Variants in ACHE observed in about 807,000 individuals in gnomAD.
ACHE encodes acetylcholinesterase (Yt blood group), also known as acetylcholinesterase.
Under a neutral mutation model 53.9 loss-of-function variants are expected in ACHE, and 19 were observed. That is an observed-to-expected ratio of 0.35 (90% CI 0.25 to 0.52). The LOEUF (loss-of-function observed/expected upper bound fraction) is 0.52. Among genes scored for constraint, ACHE ranks in the 20% least tolerant of loss-of-function variants. ACHE has a pLI of 0.95. For synonymous variants in ACHE, 392 were observed against 378.1 expected, an observed-to-expected ratio of 1.04 and a Z score of -0.43; for missense variants, 605 against 849.4, an observed-to-expected ratio of 0.71 and a Z score of 3.58.
chr7:100,890,479 A>G, intron 4 of ACHE, 144 bp from the exon 5 acceptor site: 2 of 1,464,582 alleles, frequency 1.4e-6, no homozygotes, highest in Non-Finnish European at 1.8e-6. Flanking sequence ...GACGGTGGCA[A>G]GAGGATCAGG....
In ACHE at chr7:100,891,337, C is replaced by G. The variant is rs1460698148; in HGVS notation, c.1555G>C (p.Asp519His). The change falls in exon 4 of 5, where the codon GAT (aspartate) becomes CAT (histidine). Residue 519 changes from aspartate (D) to histidine (H), a missense_variant and splice_region_variant. Asp to His is a moderately conservative substitution (Grantham distance 81, BLOSUM62 -1). Transcript: ENST00000241069. ...RYWANFARTGDPNEPRDPKAP... is the reference protein window; with the variant it reads ...RYWANFARTGHPNEPRDPKAP... ...TTGGGGTCTCGGGGCTCATTGGGAT[C>G]CCTGCGGAAGGAAGGGAAGGCTCAG... The G allele has an allele frequency of 2.6e-6, 4 of 1,545,562 alleles. No individual in the cohort carries two copies. Among genetic ancestry groups the G allele is most frequent in the Non-Finnish European group, 3.5e-6 (4 of 1,149,926 alleles).
At chr7:100,895,502 G>T (rs1790990840) in intron 1 of ACHE, among the ~76,000 whole-genome samples, 1 of 152,150 alleles carries the variant, frequency 6.6e-6, no homozygotes, top group African/African-American at 2.4e-5. Context: ...CCAATTAGGG[G>T]GTGTCTTCCA....
rs766999179 is a variant in ACHE at position 100,892,289 on chromosome 7, C to T, written c.1553+45G>A. The T allele has an allele frequency of 2.7e-6, 4 of 1,475,960 alleles. No homozygotes were observed. The Admixed American group carries it at 7.0e-5, about 26-fold the overall frequency. The allele number at this position is 1,475,960 out of a possible 1,614,324, so 91.4% of individuals were successfully genotyped here. ...TCTGCCTTTGTGTGTCCTCCCGCCC[C>T]CGACTCCTGTCCTCCCCAGCCTTCT... On this transcript the variant is annotated intron_variant, in intron 3 of 4. Transcript: ENST00000241069. The surrounding 1 kb of genome is among the most constrained non-coding windows in gnomAD (Gnocchi z 5.2).
At chr7:100,896,784 C>T (rs1440010662), upstream of ACHE, 4 of 297,522 alleles carry the variant, frequency 1.3e-5, no homozygotes, top group African/African-American at 2.3e-5. Context: ...CGCCCCCAGC[C>T]TGCTCCGAGG....
In ACHE at chr7:100,893,807, G is replaced by A. The variant is rs759508354; in HGVS notation, c.426C>T (p.Pro142=). 2.8e-5 allele frequency: 45 copies of A among 1,613,594 alleles called. No homozygotes were observed. The highest frequency in any genetic ancestry group is 3.7e-5 in the Non-Finnish European group (44 of 1,179,942). The change falls in exon 2 of 5, where the codon CCC becomes CCT. Residue 142 remains proline (P), a synonymous_variant. Transcript: ENST00000241069. ...VWTPYPRPTS[P]TPVLVWIYGG... ...CATAGATCCAGACGAGGACAGGGGT[G>A]GGGGATGTAGGCCGGGGGTATGGTG...
upstream of ACHE, chr7:100,895,936 C>T (rs1415809784): frequency 2.1e-5 from 3 of 143,038 alleles, no homozygotes; most frequent in Non-Finnish European, 4.6e-5. Flanking sequence ...GGCCTCACAG[C>T]GCCCCCGCCC....
intron 2 of ACHE, 147 bp downstream of exon 2, chr7:100,893,018 C>G: frequency 8.5e-7 from 1 of 1,182,278 alleles, no homozygotes; most frequent in Non-Finnish European, 1.2e-6. Context: ...GCCCTGCTGA[C>G]CACCCTGGGA....
chr7:100,891,519 C>T (rs2115979440), intron 3 of ACHE, among the ~76,000 whole-genome samples, 181 bp from the exon 4 acceptor site: 1 of 146,834 alleles, frequency 6.8e-6, no homozygotes, highest in African/African-American at 2.4e-5. Flanking sequence ...GCTCCGTCTC[C>T]TTCCGTTTCC....
chr7:100,890,005 G>C lies in ACHE; in HGVS notation c.*209C>G. ...CGCGCACACTCCCGTGGCTGTAACAGTTTATTGGCAGCCCAGAGGGGCGAA... is the reference window on the plus strand; with the variant it reads ...CGCGCACACTCCCGTGGCTGTAACACTTTATTGGCAGCCCAGAGGGGCGAA... On this transcript the variant is annotated 3_prime_UTR_variant, in exon 5 of 5. Coordinates refer to ENST00000241069, the MANE Select transcript of ACHE (RefSeq NM_000665.5). 3.6e-6 allele frequency: 2 copies of C among 553,658 alleles called. No individual in the cohort carries two copies. The highest frequency in any genetic ancestry group is 6.3e-6 in the Non-Finnish European group (2 of 316,972). The allele number at this position is 553,658 out of a possible 1,614,324, so 34.3% of individuals were successfully genotyped here. A position where few individuals can be genotyped will look rare whatever the true frequency, so the allele number is the denominator to read the frequency against.
intron 1 of ACHE, among the ~76,000 whole-genome samples, chr7:100,894,709 T>TG (rs1226568534): frequency 6.6e-6 from 1 of 152,002 alleles, no homozygotes; most frequent in African/African-American, 2.4e-5. Flanking sequence ...CCCGGGGCCC[T>TG]GGGGGGCGGT....
At chr7:100,895,473 G>A (rs1790989462) in intron 1 of ACHE, among the ~76,000 whole-genome samples, 1 of 152,166 alleles carries the variant, frequency 6.6e-6, no homozygotes, top group Non-Finnish European at 1.5e-5. Flanking sequence ...CCGGGAACCT[G>A]CGCAGCTCGG....
At chr7:100,895,708 G>A (rs1354428293) in intron 1 of ACHE, 94 bp downstream of exon 1, 1 of 152,616 alleles carries the variant, frequency 6.6e-6, no homozygotes, top group African/African-American at 2.4e-5. Flanking sequence ...GGAAGCGGGA[G>A]CCGTCCCGTT....
chr7:100,891,783 CTTT>C (rs71902456), intron 3 of ACHE, among the ~76,000 whole-genome samples: 13 of 103,466 alleles, frequency 1.3e-4, no homozygotes, highest in African/African-American at 3.3e-4. Flanking sequence ...CTTGGTCTCC[CTTT>C]TTTTTTTTTT....
chr7:100,890,909 C>T lies in ACHE; in HGVS notation c.1723+260G>A, dbSNP rs17235010. 7.4e-4 allele frequency: 1,084 copies of T among 1,473,126 alleles called. 1 individual carries two copies. Among genetic ancestry groups the T allele is most frequent in the Non-Finnish European group, 8.5e-4 (942 of 1,114,192 alleles). The allele number at this position is 1,473,126 out of a possible 1,614,324, so 91.3% of individuals were successfully genotyped here. ...AGTGGGGCCCTTCCCCACGGTCCGA[C>T]CACTCATTAGAGGAGGGGCCCCTGT... is the stretch of plus-strand genomic sequence containing the variant. On this transcript the variant is annotated intron_variant, in intron 4 of 4. Transcript: ENST00000241069.
Position 100,894,167 on chromosome 7 carries a change from G to C in ACHE, c.66C>G (p.Leu22=), listed in dbSNP as rs201129950. 190 of 1,481,498 alleles carry C rather than the reference G, an allele frequency of 1.3e-4. No homozygotes were observed. In the African/African-American group the frequency reaches 2.5e-3, roughly 20 times the overall value. The allele number at this position is 1,481,498 out of a possible 1,614,324, so 91.8% of individuals were successfully genotyped here. ...SLASPLLLLL[L]WLLGGGVGAE... ...CCCCCACTCCTCCACCCAGGAGCCA[G>C]AGGAGGAGGAGAAGGAGTGGGGAAG... The change falls in exon 2 of 5, where the codon CTC becomes CTG. Residue 22 remains leucine, a synonymous_variant. Coordinates refer to ENST00000241069, the MANE Select transcript of ACHE (RefSeq NM_000665.5).
At chr7:100,896,829 C>T, upstream of ACHE, 1 of 205,144 alleles carries the variant, frequency 4.9e-6, no homozygotes, top group South Asian at 4.2e-5. Context: ...CCGCCCCGCC[C>T]TCCAGGAGTT....
Position 100,893,543 on chromosome 7 carries a change from C to T in ACHE, c.690G>A (p.Leu230=), listed in dbSNP as rs1458928243. 6.2e-7 allele frequency: 1 copy of T among 1,611,318 alleles called. No individual in the cohort carries two copies. Among genetic ancestry groups the T allele is most frequent in the Admixed American group, 1.7e-5 (1 of 60,024 alleles). The change falls in exon 2 of 5, where the codon CTG becomes CTA. Residue 230 remains leucine (L), a synonymous_variant. Transcript: ENST00000241069. Reference sequence around the variant, plus strand: ...AGGCGGCTCCCGCGCTCTCCCCAAACAGCGTCACTGATGTCGGGTCACCCC... The same window carrying T: ...AGGCGGCTCCCGCGCTCTCCCCAAATAGCGTCACTGATGTCGGGTCACCCC... ...AFGGDPTSVT[L]FGESAGAASV... is the part of the protein sequence containing the mutation.
intron 2 of ACHE, 123 bp downstream of exon 2, chr7:100,893,042 G>A: frequency 2.4e-6 from 3 of 1,269,180 alleles, no homozygotes; most frequent in Non-Finnish European, 2.2e-6. Flanking sequence ...GAGCCCTCAG[G>A]GAGGACTTCT....
chr7:100,893,830 G>A lies in ACHE; in HGVS notation c.403C>T (p.Pro135Ser), dbSNP rs17885778. The A allele has an allele frequency of 6.2e-7, 1 of 1,612,722 alleles. No homozygotes were observed. Among genetic ancestry groups the A allele is most frequent in the East Asian group, 2.2e-5 (1 of 44,870 alleles). ...EDCLYLNVWTPYPRPTSPTPV... is the reference protein window; with the variant it reads ...EDCLYLNVWTSYPRPTSPTPV... ...GTGGGGGATGTAGGCCGGGGGTATG[G>A]TGTCCACACGTTGAGGTACAGGCAG... Residue 135 changes from proline (P) to serine (S), a missense_variant, in exon 2 of 5, where the codon CCA (proline) becomes TCA (serine). Pro to Ser is a moderately conservative substitution (Grantham distance 74). This residue lies in a region of ACHE where 397 missense variants were observed against 632.5 expected (regional missense o/e 0.63). Transcript: ENST00000241069.
Sources: allele counts gnomAD v4.1 joint callset (sites outside exome capture counted in the v4.1 genomes callset), GRCh38; gene constraint gnomAD v4.1.1; regional missense constraint gnomAD v4.1.1; non-coding constraint Gnocchi (gnomAD v3.1); transcripts MANE v1.5; gene names NCBI Gene and HGNC (gene_info 2026-07-23, HGNC 2026-07-21).